Variants in LMAN1 observed in about 807,000 individuals in gnomAD.
LMAN1 encodes the protein lectin, mannose binding 1.
In LMAN1, 32 loss-of-function variants were observed where a neutral mutation model predicts 67.8. The observed-to-expected ratio is 0.47, with a 90% CI of 0.36 to 0.63. The LOEUF is 0.63. LMAN1 is among the 30% of genes least tolerant of loss of function. LMAN1 has a pLI of 0.00. For synonymous variants in LMAN1, 235 were observed against 219.3 expected (o/e 1.07, Z -0.63); for missense variants, 632 against 628.2 (o/e 1.01, Z -0.06).
At chr18:59,332,858 G>A (rs1194563743) in intron 11 of LMAN1, among the ~76,000 whole-genome samples, 1 of 152,096 alleles carries the variant, frequency 6.6e-6, no homozygotes. Context: ...TTCACGAAAT[G>A]ATAATATAAA....
chr18:59,334,618 G>A (rs1431645526), intron 10 of LMAN1, among the ~76,000 whole-genome samples: 2 of 152,174 alleles, frequency 1.3e-5, no homozygotes, highest in Non-Finnish European at 2.9e-5. Flanking sequence ...CTAAATGGAA[G>A]CAGAGGCCAA....
In LMAN1 at chr18:59,359,012, G is replaced by C. The variant is rs753081796; in HGVS notation, c.214+19C>G. ...AAGGGGGAGAGGAACCCGGCCCCCA[G>C]CCCTCTGCTCCGGCTTACTCCCCGC... On this transcript the variant is annotated intron_variant, in intron 1 of 12. Transcript: ENST00000251047. 6.2e-7 allele frequency: 1 copy of C among 1,610,742 alleles called. No individual in the cohort carries two copies. The highest frequency in any genetic ancestry group is 8.5e-7 in the Non-Finnish European group (1 of 1,177,788).
intron 8 of LMAN1, among the ~76,000 whole-genome samples, chr18:59,340,918 T>C (rs1371102072): frequency 6.6e-6 from 1 of 152,064 alleles, no homozygotes; most frequent in Non-Finnish European, 1.5e-5. Context: ...CACTAAAAGA[T>C]ACAGACTGGC....
intron 8 of LMAN1, among the ~76,000 whole-genome samples, chr18:59,340,132 T>G (rs1568114080): frequency 6.6e-6 from 1 of 152,146 alleles, no homozygotes; most frequent in African/African-American, 2.4e-5. Context: ...GGCACAATTT[T>G]GAGAGTTTCA....
At chr18:59,352,905 G>A (rs1160039155) in intron 5 of LMAN1, 8 of 361,934 alleles carry the variant, frequency 2.2e-5, no homozygotes, top group South Asian at 1.2e-4. Flanking sequence ...GAGATTATCC[G>A]TCTATCTATC....
At chr18:59,352,060 T>G (rs145465355) in intron 5 of LMAN1, among the ~76,000 whole-genome samples, 69 of 152,322 alleles carry the variant, frequency 4.5e-4, no homozygotes, top group African/African-American at 1.6e-3. Flanking sequence ...TTTTAAGTAT[T>G]ATATAACCAG....
At position 59,330,868 on chromosome 18, in the gene LMAN1, C is replaced by A; in HGVS notation, c.*225G>T. 1.8e-6 allele frequency: 1 copy of A among 551,008 alleles called. No homozygotes were observed. Among genetic ancestry groups the A allele is most frequent in the Non-Finnish European group, 3.3e-6 (1 of 305,900 alleles). 34.1% of individuals were successfully genotyped at this position (551,008 alleles called of 1,614,324 possible). A position where few individuals can be genotyped will look rare whatever the true frequency, so the allele number is the denominator to read the frequency against. On this transcript the variant is annotated 3_prime_UTR_variant, in exon 13 of 13. Coordinates refer to ENST00000251047, the MANE Select transcript of LMAN1 (RefSeq NM_005570.4). ...TATTCTGCTCAGAGGCTGCATCATACTGACCAGAAATTCACTGAAATTTAG... is the reference window on the plus strand; with the variant it reads ...TATTCTGCTCAGAGGCTGCATCATAATGACCAGAAATTCACTGAAATTTAG...
At chr18:59,355,682 A>G in intron 1 of LMAN1, 24 bp from the exon 2 acceptor site, 2 of 1,610,818 alleles carry the variant, frequency 1.2e-6, no homozygotes, top group Non-Finnish European at 1.7e-6. Flanking sequence ...CAGGGGAAAA[A>G]AGCTTTAAGT....
In LMAN1 at chr18:59,331,464, A is replaced by C. The variant is rs780061598; in HGVS notation, c.1450T>G (p.Phe484Val). 1.2e-6 allele frequency: 2 copies of C among 1,610,156 alleles called. No homozygotes were observed. The highest frequency in any genetic ancestry group is 3.3e-5 in the Admixed American group (2 of 59,970). Reference sequence around the variant, plus strand: ...AATAATACAGTTTGCACCACAACAAATATAATGAAGTGGACCGTAGACAAA... The same window carrying C: ...AATAATACAGTTTGCACCACAACAACTATAATGAAGTGGACCGTAGACAAA... ...SCLSTVHFII[F>V]VVVQTVLFIG... is the part of the protein sequence containing the mutation. Residue 484 changes from phenylalanine to valine, a missense_variant, in exon 12 of 13, where the codon TTT becomes GTT. Coordinates refer to ENST00000251047, the MANE Select transcript of LMAN1 (RefSeq NM_005570.4).
chr18:59,335,083 C>T (rs1190923882), intron 10 of LMAN1, among the ~76,000 whole-genome samples: 2 of 152,016 alleles, frequency 1.3e-5, no homozygotes, highest in Non-Finnish European at 1.5e-5. Context: ...GTAAAACATG[C>T]AAAGCACAAA....
At chr18:59,352,458 G>A (rs1908564034) in intron 5 of LMAN1, among the ~76,000 whole-genome samples, 2 of 152,148 alleles carry the variant, frequency 1.3e-5, no homozygotes, top group Admixed American at 1.3e-4. Context: ...GCTTCTTATG[G>A]GTTAAACTAC....
At chr18:59,341,818 G>C (rs1908294661) in intron 8 of LMAN1, among the ~76,000 whole-genome samples, 1 of 151,848 alleles carries the variant, frequency 6.6e-6, no homozygotes, top group African/African-American at 2.4e-5. Context: ...GCAAAGAAAA[G>C]AAATAACAAA....
intron 8 of LMAN1, among the ~76,000 whole-genome samples, chr18:59,342,967 A>T (rs752855341): frequency 1.1e-4 from 16 of 152,144 alleles, no homozygotes; most frequent in Non-Finnish European, 1.9e-4. Flanking sequence ...CAAGATAAAA[A>T]ATTAATGTAC....
rs188908935 is a variant in LMAN1, at chr18:59,355,446, T to C, written c.370-26A>G. ...CTGAAAATATGTAATAGGGAACAGT[T>C]AGAGGCTAGTGGTATATGCATTTAT... On this transcript the variant is annotated intron_variant, in intron 2 of 12. Coordinates refer to ENST00000251047, the MANE Select transcript of LMAN1 (RefSeq NM_005570.4). 5 of 1,613,912 alleles carry C rather than the reference T, an allele frequency of 3.1e-6. No individual in the cohort carries two copies. The Admixed American group carries it at 5.0e-5, about 16-fold the overall frequency.
At chr18:59,341,127 A>G (rs1908278201) in intron 8 of LMAN1, among the ~76,000 whole-genome samples, 1 of 152,220 alleles carries the variant, frequency 6.6e-6, no homozygotes, top group Non-Finnish European at 1.5e-5. Flanking sequence ...GTTATTATAT[A>G]ATGATAAAGG....
intron 1 of LMAN1, among the ~76,000 whole-genome samples, chr18:59,356,708 T>C (rs1267470076): frequency 6.6e-6 from 1 of 152,152 alleles, no homozygotes; most frequent in Non-Finnish European, 1.5e-5. Flanking sequence ...GAACACAGAA[T>C]CAGAAGACCT....
At chr18:59,357,972 A>AT (rs1329085130) in intron 1 of LMAN1, among the ~76,000 whole-genome samples, 1 of 151,486 alleles carries the variant, frequency 6.6e-6, no homozygotes, top group Non-Finnish European at 1.5e-5. Flanking sequence ...GTAAAAAAAA[A>AT]AAAAAAAAAA....
chr18:59,352,113 T>C (rs1366180203), intron 5 of LMAN1, among the ~76,000 whole-genome samples: 1 of 152,206 alleles, frequency 6.6e-6, no homozygotes, highest in Non-Finnish European at 1.5e-5. Flanking sequence ...CAATGCATAG[T>C]GATCTTAGTT....
chr18:59,347,052 A>C (rs1239202846), intron 7 of LMAN1, among the ~76,000 whole-genome samples: 2 of 151,880 alleles, frequency 1.3e-5, no homozygotes, highest in Non-Finnish European at 2.9e-5. Flanking sequence ...AACATGGTGA[A>C]ACCCCGTCTC....
Sources: allele counts gnomAD v4.1 joint callset (sites outside exome capture counted in the v4.1 genomes callset), GRCh38; gene constraint gnomAD v4.1.1; transcripts MANE v1.5; gene names NCBI Gene and HGNC (gene_info 2026-07-23, HGNC 2026-07-21).